Variants in TAFA2 observed in about 807,000 individuals in gnomAD.
The protein encoded by TAFA2 is chemokine-like protein TAFA-2.
Under a neutral mutation model 18.8 loss-of-function variants are expected in TAFA2, and 7 were observed. That is an observed-to-expected ratio of 0.37 (90% CI 0.21 to 0.70). The LOEUF (loss-of-function observed/expected upper bound fraction) is 0.70, where lower values mean the gene tolerates loss of function less well. TAFA2 is among the 30% of genes least tolerant of loss of function. The pLI is 0.53. For synonymous variants in TAFA2, 60 were observed against 54.2 expected (o/e 1.11, Z -0.47); for missense variants, 122 against 158.1 (o/e 0.77, Z 1.23).
chr12:61,862,477 A>G (rs1338403732), intron 2 of TAFA2, among the ~76,000 whole-genome samples: 1 of 152,198 alleles, frequency 6.6e-6, no homozygotes, highest in African/African-American at 2.4e-5. Flanking sequence ...AATATTCTGG[A>G]TTTCTACAGT....
At chr12:62,203,911 T>A (rs2062681821) in intron 1 of TAFA2, among the ~76,000 whole-genome samples, 2 of 152,378 alleles carry the variant, frequency 1.3e-5, no homozygotes, top group South Asian at 4.1e-4. Flanking sequence ...GACTTGTTGA[T>A]GTAGTTGCCT....
chr12:62,186,848 T>G (rs1274136996), intron 1 of TAFA2, among the ~76,000 whole-genome samples: 1 of 152,152 alleles, frequency 6.6e-6, no homozygotes, highest in Non-Finnish European at 1.5e-5. Context: ...TGATTTCAAG[T>G]AAACTAGAAA....
At chr12:61,906,367 T>C (rs1876352872) in intron 1 of TAFA2, among the ~76,000 whole-genome samples, 1 of 152,068 alleles carries the variant, frequency 6.6e-6, no homozygotes, top group African/African-American at 2.4e-5. Flanking sequence ...TCTGATGGTT[T>C]TATAAAGGGC....
intron 1 of TAFA2, among the ~76,000 whole-genome samples, chr12:62,108,815 C>A (rs1330643954): frequency 6.6e-6 from 1 of 152,160 alleles, no homozygotes; most frequent in South Asian, 2.1e-4. Flanking sequence ...ATATCCTTCA[C>A]CCACTTTTTG....
intron 1 of TAFA2, among the ~76,000 whole-genome samples, chr12:61,870,014 A>T (rs1345258494): frequency 6.6e-6 from 1 of 152,174 alleles, no homozygotes; most frequent in African/African-American, 2.4e-5. Context: ...ACCATTGTAC[A>T]CCCACCCAAT....
chr12:62,112,955 A>G (rs889572123), intron 1 of TAFA2, among the ~76,000 whole-genome samples: 4 of 151,968 alleles, frequency 2.6e-5, no homozygotes, highest in Admixed American at 2.0e-4. Context: ...GGAGTTTGTT[A>G]TTACCCACCT....
chr12:62,161,669 A>G (rs745454273), intron 1 of TAFA2, among the ~76,000 whole-genome samples: 1 of 152,184 alleles, frequency 6.6e-6, no homozygotes, highest in Non-Finnish European at 1.5e-5. Flanking sequence ...ACTTGTAACA[A>G]AATTGTACTT....
intron 4 of TAFA2, among the ~76,000 whole-genome samples, chr12:61,739,705 C>T (rs1868368617): frequency 6.6e-6 from 1 of 152,004 alleles, no homozygotes; most frequent in African/African-American, 2.4e-5. Flanking sequence ...AGGCAGAGTG[C>T]TCTCAACAAG....
intron 2 of TAFA2, among the ~76,000 whole-genome samples, chr12:61,818,727 C>T (rs1320719760): frequency 6.6e-6 from 1 of 152,164 alleles, no homozygotes; most frequent in East Asian, 1.9e-4. Flanking sequence ...TGCATTCTAA[C>T]TTTAATATCC....
chr12:62,139,941 G>A (rs2062226671), intron 1 of TAFA2: 1 of 152,088 alleles, frequency 6.6e-6, no homozygotes, highest in South Asian at 2.1e-4. Context: ...ATAAACATTG[G>A]TTTCTCTTTC....
At chr12:62,082,558 GCTAT>G (rs1868340604) in intron 1 of TAFA2, among the ~76,000 whole-genome samples, 1 of 152,160 alleles carries the variant, frequency 6.6e-6, no homozygotes, top group Non-Finnish European at 1.5e-5. Flanking sequence ...AGGCGCTGGG[GCTAT>G]CTGACACACA....
intron 2 of TAFA2, among the ~76,000 whole-genome samples, chr12:61,794,219 G>A (rs1871101033): frequency 6.6e-6 from 1 of 151,936 alleles, no homozygotes; most frequent in Admixed American, 6.6e-5. Context: ...GCAAGATAAA[G>A]AATTATTTCT....
intron 1 of TAFA2, among the ~76,000 whole-genome samples, chr12:62,082,488 T>C (rs903270417): frequency 7.9e-5 from 12 of 152,170 alleles, no homozygotes; most frequent in Admixed American, 7.2e-4. Flanking sequence ...GCACAGTCAA[T>C]GTTTGTTGAT....
In TAFA2 at chr12:61,982,292, G is replaced by A. The variant is rs1003985640; in HGVS notation, c.-1-114866C>T. On this transcript the variant is annotated intron_variant, in intron 1 of 4. Coordinates refer to ENST00000416284, the MANE Select transcript of TAFA2 (RefSeq NM_178539.5). ...CATCACACACCAGGGCCTGTCGTGG[G>A]GTGGGGGTCTGGGGGAGAGATAGCA... 2.0e-5 allele frequency among the ~76,000 whole-genome samples: 3 copies of A among 152,212 alleles called. No homozygotes were observed. In the South Asian group the frequency reaches 6.2e-4, roughly 32 times the overall value.
chr12:61,754,722 A>C, intron 3 of TAFA2, 150 bp downstream of exon 3: 16 of 721,208 alleles, frequency 2.2e-5, no homozygotes, highest in Non-Finnish European at 3.1e-5. Context: ...AGATTTCAAA[A>C]TGCCACCCAA....
intron 2 of TAFA2, among the ~76,000 whole-genome samples, chr12:61,765,906 GAGA>G (rs1869769775): frequency 6.6e-6 from 1 of 152,034 alleles, no homozygotes; most frequent in Non-Finnish European, 1.5e-5. Flanking sequence ...TAGAGAGGAG[GAGA>G]TAGCTAACTA....
intron 1 of TAFA2, among the ~76,000 whole-genome samples, chr12:62,219,548 G>A (rs1001666605): frequency 6.6e-6 from 1 of 152,114 alleles, no homozygotes; most frequent in Admixed American, 6.5e-5. Flanking sequence ...TCCAAGTCTT[G>A]TTGAATTGAA....
At chr12:61,895,445 T>A (rs374369887) in intron 1 of TAFA2, among the ~76,000 whole-genome samples, 1 of 152,094 alleles carries the variant, frequency 6.6e-6, no homozygotes, top group South Asian at 2.1e-4. Flanking sequence ...AGTGAAACAG[T>A]TCTCCCAAGT....
chr12:61,942,086 C>A (rs1367378392), intron 1 of TAFA2, among the ~76,000 whole-genome samples: 1 of 151,438 alleles, frequency 6.6e-6, no homozygotes, highest in Non-Finnish European at 1.5e-5. Context: ...GTGGTTCTCC[C>A]AGCACGCAGC....
Sources: allele counts gnomAD v4.1 joint callset (sites outside exome capture counted in the v4.1 genomes callset), GRCh38; gene constraint gnomAD v4.1.1; transcripts MANE v1.5; gene names NCBI Gene and HGNC (gene_info 2026-07-23, HGNC 2026-07-21).